Variants in CLMN observed in about 807,000 individuals in gnomAD.
CLMN encodes calmin.
A neutral mutation model predicts 92.7 loss-of-function variants in CLMN; 57 were observed. The ratio of observed to expected loss-of-function variants is 0.61; its 90% CI spans 0.50 to 0.77. The LOEUF (loss-of-function observed/expected upper bound fraction) is 0.77, where lower values mean the gene tolerates loss of function less well. Ranked by LOEUF, CLMN falls within the 30% of genes least tolerant of loss-of-function variation. The pLI is 0.00. For missense variants in CLMN, 1,158 were observed against 1,237.5 expected, an observed-to-expected ratio of 0.94 and a Z score of 0.96; for synonymous variants, 466 against 470.6, an observed-to-expected ratio of 0.99 and a Z score of 0.13.
At position 95,210,272 on chromosome 14, in the gene CLMN, G is replaced by A. The variant is rs190137497; in HGVS notation, c.802+414C>T. Among the ~76,000 whole-genome samples the A allele has an allele frequency of 5.9e-3, 899 of 151,814 alleles. 12 individuals are homozygous for A. Among genetic ancestry groups the A allele is most frequent in the African/African-American group, 0.02 (848 of 41,370 alleles). On this transcript the variant is annotated intron_variant, in intron 7 of 12. Coordinates refer to ENST00000298912, the MANE Select transcript of CLMN (RefSeq NM_024734.4). The stretch of plus-strand genomic sequence containing the variant: ...TCACCATGTTGGCCAGGCTGGTCTC[G>A]AACTCCTGACCTCAGGTGATCCACC...
chr14:95,223,728 C>A, intron 3 of CLMN, 32 bp downstream of exon 3: 1 of 1,527,596 alleles, frequency 6.5e-7, no homozygotes, highest in Non-Finnish European at 9.0e-7. Flanking sequence ...TTTGCATTTT[C>A]TTTCTTTCTG....
chr14:95,252,402 G>A (rs1237018583), intron 1 of CLMN, among the ~76,000 whole-genome samples: 2 of 152,130 alleles, frequency 1.3e-5, no homozygotes, highest in Non-Finnish European at 2.9e-5. Flanking sequence ...TCTGACACGT[G>A]GCAGTGAACA....
At chr14:95,242,089 C>A (rs953986964) in intron 1 of CLMN, among the ~76,000 whole-genome samples, 1 of 152,030 alleles carries the variant, frequency 6.6e-6, no homozygotes, top group South Asian at 2.1e-4. Flanking sequence ...TCTTAAAAAA[C>A]CCACTTGGAT....
chr14:95,241,624 A>G (rs1487817907), intron 1 of CLMN, among the ~76,000 whole-genome samples: 1 of 152,196 alleles, frequency 6.6e-6, no homozygotes, highest in Non-Finnish European at 1.5e-5. Context: ...GTTCTCCTGG[A>G]GCTGGAAGTG....
intron 1 of CLMN, among the ~76,000 whole-genome samples, chr14:95,299,374 A>G (rs1566921338): frequency 2.6e-5 from 4 of 152,134 alleles, no homozygotes; most frequent in African/African-American, 7.2e-5. Context: ...GAGCAAGAAC[A>G]CTGTCCAAGA....
chr14:95,305,695 A>C (rs1230503627), intron 1 of CLMN, among the ~76,000 whole-genome samples: 11 of 152,212 alleles, frequency 7.2e-5, no homozygotes, highest in Non-Finnish European at 1.5e-4. Context: ...AGGTCTCATT[A>C]AGGGCACAGC....
intron 1 of CLMN, among the ~76,000 whole-genome samples, chr14:95,246,945 G>C (rs1010423703): frequency 3.9e-5 from 6 of 152,142 alleles, no homozygotes; most frequent in Non-Finnish European, 8.8e-5. Flanking sequence ...ATCAATTCTA[G>C]GAACAAAATC....
intron 1 of CLMN, among the ~76,000 whole-genome samples, chr14:95,265,902 T>C (rs1899453995): frequency 6.6e-6 from 1 of 152,318 alleles, no homozygotes; most frequent in East Asian, 1.9e-4. Flanking sequence ...CACAATCCTC[T>C]TGGCAGCTGC....
chr14:95,228,762 C>G (rs565556764), intron 2 of CLMN, among the ~76,000 whole-genome samples: 8 of 152,354 alleles, frequency 5.3e-5, no homozygotes, highest in African/African-American at 1.9e-4. Context: ...GCAAACTCCA[C>G]CTCCTGGGTT....
At chr14:95,282,106 T>G (rs1356205503) in intron 1 of CLMN, among the ~76,000 whole-genome samples, 1 of 152,102 alleles carries the variant, frequency 6.6e-6, no homozygotes, top group Non-Finnish European at 1.5e-5. Flanking sequence ...GAAGGATGAG[T>G]AGGAATTCAT....
intron 6 of CLMN, 22 bp from the exon 7 acceptor site, chr14:95,210,901 C>G (rs368464939): frequency 2.8e-5 from 41 of 1,490,762 alleles, no homozygotes; most frequent in Non-Finnish European, 3.6e-5. Context: ...ACAGCAGCGG[C>G]GGCCAGGATG....
At chr14:95,195,728 C>T (rs1017528421) in intron 10 of CLMN, among the ~76,000 whole-genome samples, 25 of 152,152 alleles carry the variant, frequency 1.6e-4, no homozygotes, top group Admixed American at 1.5e-3. Flanking sequence ...CTATAGGTGA[C>T]GTGAGAATGA....
intron 1 of CLMN, among the ~76,000 whole-genome samples, chr14:95,299,204 C>T (rs1439887668): frequency 6.6e-6 from 1 of 152,092 alleles, no homozygotes; most frequent in African/African-American, 2.4e-5. Flanking sequence ...CTGTGCTCCC[C>T]CCAACCCCAC....
At chr14:95,206,192 A>T (rs528651451) in intron 8 of CLMN, among the ~76,000 whole-genome samples, 1 of 152,228 alleles carries the variant, frequency 6.6e-6, no homozygotes, top group Non-Finnish European at 1.5e-5. Context: ...TTATAAAAAT[A>T]AAGCAATCAA....
intron 1 of CLMN, among the ~76,000 whole-genome samples, chr14:95,292,330 C>T (rs1029999061): frequency 6.6e-6 from 1 of 152,156 alleles, no homozygotes; most frequent in Admixed American, 6.5e-5. Context: ...AGAAACTATG[C>T]TATTTTTAAA....
chr14:95,245,269 AT>A (rs1236513458), intron 1 of CLMN, among the ~76,000 whole-genome samples: 5 of 60,834 alleles, frequency 8.2e-5, no homozygotes, highest in African/African-American at 3.4e-4. Flanking sequence ...ATATATATAT[AT>A]TATATATATA....
At chr14:95,314,842 C>T (rs1420211979) in intron 1 of CLMN, among the ~76,000 whole-genome samples, 5 of 152,216 alleles carry the variant, frequency 3.3e-5, no homozygotes. Flanking sequence ...GATGATTCAT[C>T]CCTTAGAACC....
chr14:95,304,998 A>G (rs1385877446), intron 1 of CLMN, among the ~76,000 whole-genome samples: 2 of 152,214 alleles, frequency 1.3e-5, no homozygotes, highest in Non-Finnish European at 2.9e-5. Context: ...ATTAGTCCCC[A>G]ACTTTTAAAG....
At chr14:95,314,851 C>A (rs1901694114) in intron 1 of CLMN, among the ~76,000 whole-genome samples, 1 of 152,230 alleles carries the variant, frequency 6.6e-6, no homozygotes, top group East Asian at 1.9e-4. Flanking sequence ...TCCCTTAGAA[C>A]CAGGCACACA....
Sources: allele counts gnomAD v4.1 joint callset (sites outside exome capture counted in the v4.1 genomes callset), GRCh38; gene constraint gnomAD v4.1.1; transcripts MANE v1.5; gene names NCBI Gene and HGNC (gene_info 2026-07-23, HGNC 2026-07-21).